The following KAT2B variants were observed in gnomAD, a reference collection of about 807,000 sequenced individuals.
KAT2B encodes lysine acetyltransferase 2B, also known as histone acetyltransferase KAT2B.
KAT2B carries 36 observed loss-of-function variants against 105.9 expected under a neutral mutation model. That is an observed-to-expected ratio of 0.34 (90% CI 0.26 to 0.45). The LOEUF (loss-of-function observed/expected upper bound fraction) is 0.45, where lower values mean the gene tolerates loss of function less well. KAT2B is among the 20% of genes least tolerant of loss of function. The pLI is 1.00. For missense variants in KAT2B, 820 were observed against 1,021.6 expected (o/e 0.80, Z 2.69); for synonymous variants, 397 against 377.9 (o/e 1.05, Z -0.59).
At chr3:20,042,941 G>A (rs911384413) in intron 1 of KAT2B, among the ~76,000 whole-genome samples, 5 of 150,304 alleles carry the variant, frequency 3.3e-5, no homozygotes, top group African/African-American at 1.2e-4. Flanking sequence ...ACTCTGCCAC[G>A]TAGGCTGGAG....
At chr3:20,135,315 A>G (rs995778720) in intron 11 of KAT2B, among the ~76,000 whole-genome samples, 1 of 152,144 alleles carries the variant, frequency 6.6e-6, no homozygotes, top group African/African-American at 2.4e-5. Context: ...TGGTCCTAGG[A>G]TCCATGCTTT....
chr3:20,123,827 A>G (rs1309611408), intron 9 of KAT2B, among the ~76,000 whole-genome samples: 1 of 152,120 alleles, frequency 6.6e-6, no homozygotes, highest in Non-Finnish European at 1.5e-5. Flanking sequence ...ATTGTTTACT[A>G]AGGATTAGAT....
At chr3:20,114,225 C>T (rs1699168694) in intron 6 of KAT2B, among the ~76,000 whole-genome samples, 1 of 152,110 alleles carries the variant, frequency 6.6e-6, no homozygotes, top group Non-Finnish European at 1.5e-5. Context: ...AGTAATTAAT[C>T]ACTGGTTCCA....
At chr3:20,138,920 G>C (rs1313665030) in intron 12 of KAT2B, among the ~76,000 whole-genome samples, 1 of 152,080 alleles carries the variant, frequency 6.6e-6, no homozygotes, top group East Asian at 1.9e-4. Context: ...TTGAGACAGG[G>C]TCTTACACTG....
At position 20,144,085 on chromosome 3, in the gene KAT2B, C is replaced by T. The variant is rs541362082; in HGVS notation, c.2005-2231C>T. ...TACTAGAGGTACAGAGAGCTTAGGA[C>T]GCCTCCCATTCCCATTAACAGTCAC... On this transcript the variant is annotated intron_variant, in intron 13 of 17. Coordinates refer to ENST00000263754, the MANE Select transcript of KAT2B (RefSeq NM_003884.5). Among the ~76,000 whole-genome samples, 145 of 152,136 alleles carry T rather than the reference C, an allele frequency of 9.5e-4. 2 individuals are homozygous for T. In the South Asian group the frequency reaches 0.029, roughly 30 times the overall value.
intron 12 of KAT2B, among the ~76,000 whole-genome samples, chr3:20,139,675 G>A (rs1699665103): frequency 6.6e-6 from 1 of 152,012 alleles, no homozygotes; most frequent in Non-Finnish European, 1.5e-5. Flanking sequence ...CTTAAAGTGT[G>A]TAAATGAGTA....
chr3:20,148,036 A>ATT (rs60728324), intron 15 of KAT2B, 37 bp downstream of exon 15: 275 of 1,362,998 alleles, frequency 2.0e-4, no homozygotes, highest in Non-Finnish European at 2.5e-4. Context: ...AATGGAAGTG[A>ATT]TTTTTTTTTT....
intron 13 of KAT2B, among the ~76,000 whole-genome samples, chr3:20,145,537 C>T (rs977448174): frequency 6.0e-5 from 8 of 133,930 alleles, no homozygotes; most frequent in African/African-American, 8.1e-5. Context: ...GTTTAATTTC[C>T]GGATGGGATT....
chr3:20,141,535 T>G (rs907303052), intron 13 of KAT2B, among the ~76,000 whole-genome samples: 13 of 152,322 alleles, frequency 8.5e-5, no homozygotes, highest in African/African-American at 3.1e-4. Flanking sequence ...TTGATACTTC[T>G]GTTATTCGTT....
chr3:20,072,601 C>A, intron 2 of KAT2B, 142 bp downstream of exon 2: 1 of 773,402 alleles, frequency 1.3e-6, no homozygotes, highest in Non-Finnish European at 2.1e-6. Flanking sequence ...TCTAGTCTCA[C>A]GAGTTTGCTG....
intron 17 of KAT2B, 110 bp from the exon 18 acceptor site, chr3:20,152,219 GGAT>G: frequency 1.6e-6 from 1 of 620,910 alleles, no homozygotes; most frequent in East Asian, 2.8e-5. Context: ...AAAAGCATTG[GGAT>G]GATAAAAATG....
At chr3:20,117,224 C>T (rs968072199) in intron 7 of KAT2B, among the ~76,000 whole-genome samples, 5 of 152,072 alleles carry the variant, frequency 3.3e-5, no homozygotes, top group East Asian at 1.9e-4. Context: ...GAATTTTATT[C>T]GTTTTTCTGT....
intron 2 of KAT2B, among the ~76,000 whole-genome samples, chr3:20,074,584 T>C (rs1273456193): frequency 6.6e-6 from 1 of 152,220 alleles, no homozygotes; most frequent in Non-Finnish European, 1.5e-5. Flanking sequence ...CAGGGTTCTT[T>C]TACTTCACAC....
chr3:20,049,805 C>T (rs1325433668), intron 1 of KAT2B, among the ~76,000 whole-genome samples: 53 of 152,070 alleles, frequency 3.5e-4, no homozygotes, highest in Admixed American at 3.5e-3. Context: ...ACTGTGCTGG[C>T]CCAATAGAAT....
At chr3:20,150,441 C>A (rs1699852792) in intron 17 of KAT2B, among the ~76,000 whole-genome samples, 1 of 152,122 alleles carries the variant, frequency 6.6e-6, no homozygotes, top group African/African-American at 2.4e-5. Context: ...CTTAGGGAGT[C>A]ACACACTGGA....
At chr3:20,057,758 G>T (rs1698025938) in intron 1 of KAT2B, among the ~76,000 whole-genome samples, 1 of 152,154 alleles carries the variant, frequency 6.6e-6, no homozygotes, top group Non-Finnish European at 1.5e-5. Context: ...AGGTCACTCG[G>T]ATGTAATGAA....
chr3:20,072,415 T>C lies in KAT2B; in HGVS notation c.386T>C (p.Ile129Thr). The C allele has an allele frequency of 6.2e-7, 1 of 1,613,890 alleles. No individual in the cohort carries two copies. Among genetic ancestry groups the C allele is most frequent in the Non-Finnish European group, 8.5e-7 (1 of 1,179,776 alleles). The change falls in exon 2 of 18, where the codon ATT becomes ACT. Residue 129 changes from isoleucine (I) to threonine (T), a missense_variant. Ile to Thr is a moderately conservative substitution (Grantham distance 89, BLOSUM62 -1). Coordinates refer to ENST00000263754, the MANE Select transcript of KAT2B (RefSeq NM_003884.5). ...CCCAGAGCCGACCTGCAGCAAATAA[T>C]TGTCAGTCTAACAGAATCCTGTCGG... The part of the protein sequence containing the change: ...TPPRADLQQI[I>T]VSLTESCRSC...
Position 20,147,999 on chromosome 3 carries a change from G to A in KAT2B, c.2156G>A (p.Ser719Asn). The stretch of plus-strand genomic sequence containing the variant: ...TGGAAACCGAGTGGAAAAGAGAAAA[G>A]GTAAGTATGACGGGCAAGAGGATGT... The part of the protein sequence containing the change: ...TGWKPSGKEK[S>N]KEPRDPDQLY... The change falls in exon 15 of 18, where the codon AGT (serine) becomes AAT (asparagine). Residue 719 changes from serine (S) to asparagine (N), a missense_variant and splice_region_variant. By Grantham distance (46) the Ser-to-Asn change is conservative. This residue lies in a region of KAT2B where 227 missense variants were observed against 292.9 expected (regional missense o/e 0.77). Coordinates refer to ENST00000263754, the MANE Select transcript of KAT2B (RefSeq NM_003884.5). 1 of 1,613,362 alleles carries A rather than the reference G, an allele frequency of 6.2e-7. No individual in the cohort carries two copies.
chr3:20,045,974 C>G (rs1199290698), intron 1 of KAT2B, among the ~76,000 whole-genome samples: 1 of 152,178 alleles, frequency 6.6e-6, no homozygotes, highest in Non-Finnish European at 1.5e-5. Flanking sequence ...GTCCTGAATC[C>G]ACCCCAGCTC....
Sources: gnomAD v4.1 joint callset for allele counts (sites outside exome capture counted in the v4.1 genomes callset) on GRCh38, gnomAD v4.1.1 for gene constraint, gnomAD v4.1.1 regional missense constraint, MANE v1.5 for transcripts, NCBI Gene and HGNC (gene_info 2026-07-23, HGNC 2026-07-21) for gene names.